Variants in WDFY3 observed in about 807,000 individuals in gnomAD.
WDFY3 encodes the protein WD repeat and FYVE domain-containing protein 3.
Under a neutral mutation model 409.6 loss-of-function variants are expected in WDFY3, and 66 were observed. That is an observed-to-expected ratio of 0.16 (90% CI 0.13 to 0.20). The LOEUF (loss-of-function observed/expected upper bound fraction) is 0.20. WDFY3 is among the 10% of genes least tolerant of loss of function. WDFY3 has a pLI of 1.00. For missense variants in WDFY3, 3,031 were observed against 4,298.1 expected (o/e 0.71, Z 8.24); for synonymous variants, 1,521 against 1,537.1 (o/e 0.99, Z 0.25).
intron 1 of WDFY3, among the ~76,000 whole-genome samples, chr4:84,962,558 T>C (rs1775046949): frequency 6.6e-6 from 1 of 152,196 alleles, no homozygotes; most frequent in South Asian, 2.1e-4. Flanking sequence ...TCCTTTTCTA[T>C]GTCTTGACTG....
chr4:84,895,116 T>C (rs1420607004), intron 3 of WDFY3, among the ~76,000 whole-genome samples: 2 of 152,156 alleles, frequency 1.3e-5, no homozygotes, highest in African/African-American at 4.8e-5. Context: ...CTCACATGGT[T>C]ATAAAGCAAG....
At chr4:84,797,754 T>C (rs1381310098) in intron 18 of WDFY3, among the ~76,000 whole-genome samples, 2 of 151,906 alleles carry the variant, frequency 1.3e-5, no homozygotes, top group African/African-American at 4.8e-5. Flanking sequence ...CTAATTTTTT[T>C]TGTATTTTTT....
intron 36 of WDFY3, among the ~76,000 whole-genome samples, chr4:84,749,665 G>A (rs1261388386): frequency 6.6e-6 from 1 of 152,120 alleles, no homozygotes; most frequent in Non-Finnish European, 1.5e-5. Context: ...GTTAAGTGAG[G>A]ACTTACTGTA....
intron 4 of WDFY3, among the ~76,000 whole-genome samples, chr4:84,850,928 G>GTGTTT (rs1758864479): frequency 6.5e-5 from 3 of 46,220 alleles, no homozygotes; most frequent in African/African-American, 1.9e-4. Context: ...TTATTTATCT[G>GTGTTT]TTTTTTTTTT....
In WDFY3 at chr4:84,753,792, C is replaced by T. The variant is rs187740493; in HGVS notation, c.5644G>A (p.Val1882Met). Residue 1882 changes from valine (V) to methionine (M), a missense_variant, in exon 35 of 68, where the codon GTG becomes ATG. Coordinates refer to ENST00000295888, the MANE Select transcript of WDFY3 (RefSeq NM_014991.6). ...ATCCACATGGAGGCAAGGTCTGGCACGTTGTGATACAAATATCTGAAGAAC... is the reference window on the plus strand; with the variant it reads ...ATCCACATGGAGGCAAGGTCTGGCATGTTGTGATACAAATATCTGAAGAAC... The part of the protein sequence containing the change: ...MQFFRYLYHN[V>M]PDLASMWMSP... The T allele has an allele frequency of 8.1e-6, 13 of 1,611,916 alleles. No individual in the cohort carries two copies. The highest frequency in any genetic ancestry group is 2.2e-5 in the East Asian group (1 of 44,676).
intron 3 of WDFY3, among the ~76,000 whole-genome samples, chr4:84,886,697 A>C (rs763267766): frequency 2.0e-5 from 3 of 152,116 alleles, no homozygotes; most frequent in Non-Finnish European, 4.4e-5. Context: ...TGGTTTTTCA[A>C]TAGGTATTAG....
chr4:84,779,021 A>G (rs1194092710), intron 26 of WDFY3, among the ~76,000 whole-genome samples: 1 of 152,190 alleles, frequency 6.6e-6, no homozygotes, highest in Non-Finnish European at 1.5e-5. Context: ...CATGATGGTA[A>G]CTACTTAAAT....
Position 84,826,969 on chromosome 4 carries a change from T to C in WDFY3, c.969A>G (p.Ala323=). 2.5e-6 allele frequency: 4 copies of C among 1,608,340 alleles called. No individual in the cohort carries two copies. Among genetic ancestry groups the C allele is most frequent in the Non-Finnish European group, 3.4e-6 (4 of 1,178,634 alleles). The part of the protein sequence containing the change: ...LCDLLLRLEQ[A]KEAESKDALK... ...AGGCATCTTTGGATTCTGCCTCTTT[T>C]GCTTGTTCCAATCTAGAAAAGTATG... The change falls in exon 10 of 68, where the codon GCA becomes GCG. Residue 323 remains alanine (A), a synonymous_variant. Transcript: ENST00000295888.
At chr4:84,738,368 C>T (rs532157339) in intron 40 of WDFY3, among the ~76,000 whole-genome samples, 16 of 151,852 alleles carry the variant, frequency 1.1e-4, no homozygotes, top group East Asian at 3.9e-4. Context: ...AGGCCAAGGC[C>T]GGTGGATCAC....
rs1425299730 is a variant in WDFY3, at chr4:84,795,077, T to C, written c.3168-98A>G. 6.2e-6 allele frequency: 5 copies of C among 800,610 alleles called. No homozygotes were observed. The East Asian group carries it at 9.8e-5, about 16-fold the overall frequency. 49.6% of individuals were successfully genotyped at this position (800,610 alleles called of 1,614,324 possible). ...TGAAATAACTGCCAGTATTTAATGGTGACTAGAGAAAAGATCATGGAATAA... is the reference window on the plus strand; with the variant it reads ...TGAAATAACTGCCAGTATTTAATGGCGACTAGAGAAAAGATCATGGAATAA... On this transcript the variant is annotated intron_variant, in intron 19 of 67. Transcript: ENST00000295888.
intron 1 of WDFY3, among the ~76,000 whole-genome samples, chr4:84,950,949 C>T (rs1773531137): frequency 1.3e-5 from 2 of 152,168 alleles, no homozygotes; most frequent in Admixed American, 6.5e-5. Flanking sequence ...GAGGGCCTTA[C>T]CCTAAGGAGA....
In WDFY3 at chr4:84,841,252, G is replaced by T. The variant is rs1757312567; in HGVS notation, c.316C>A (p.Arg106=). Residue 106 remains arginine (R), a synonymous_variant, in exon 6 of 68, where the codon CGG becomes AGG. Transcript: ENST00000295888. ...ASNKSTEAAS[R]AIVQFLEINQ... is the part of the protein sequence containing the mutation. Reference sequence around the variant, plus strand: ...ATCTCTAGGAACTGAACTATGGCCCGACTTGCAGCCTCTATAAAACCAAAG... The same window carrying T: ...ATCTCTAGGAACTGAACTATGGCCCTACTTGCAGCCTCTATAAAACCAAAG... 6.2e-7 allele frequency: 1 copy of T among 1,612,072 alleles called. No homozygotes were observed. The highest frequency in any genetic ancestry group is 8.5e-7 in the Non-Finnish European group (1 of 1,179,672).
chr4:84,910,455 G>C (rs1287599799), intron 2 of WDFY3, among the ~76,000 whole-genome samples: 1 of 152,028 alleles, frequency 6.6e-6, no homozygotes, highest in African/African-American at 2.4e-5. Flanking sequence ...TATGGTACTA[G>C]CATAAGGATG....
intron 45 of WDFY3, among the ~76,000 whole-genome samples, chr4:84,726,498 A>G: frequency 6.6e-6 from 1 of 152,292 alleles, no homozygotes; most frequent in Admixed American, 6.5e-5. Flanking sequence ...ATTTAGAAGA[A>G]TTAAATGAGT....
chr4:84,833,579 G>A (rs1200021477), intron 7 of WDFY3, among the ~76,000 whole-genome samples: 1 of 152,000 alleles, frequency 6.6e-6, no homozygotes, highest in East Asian at 1.9e-4. Context: ...ACCTGAGCCC[G>A]GGAGGTCGAG....
At chr4:84,706,483 G>C (rs957482191) in intron 53 of WDFY3, among the ~76,000 whole-genome samples, 1 of 150,182 alleles carries the variant, frequency 6.7e-6, no homozygotes, top group Non-Finnish European at 1.5e-5. Context: ...TTGACCCTAC[G>C]ATTGAGTAGG....
At chr4:84,943,268 G>T (rs185359409) in intron 1 of WDFY3, among the ~76,000 whole-genome samples, 1 of 152,236 alleles carries the variant, frequency 6.6e-6, no homozygotes, top group African/African-American at 2.4e-5. Flanking sequence ...TTGGGAGGCC[G>T]AGGCGGGCGG....
chr4:84,793,800 G>A (rs1046754465), intron 21 of WDFY3, among the ~76,000 whole-genome samples: 3 of 152,106 alleles, frequency 2.0e-5, no homozygotes, highest in African/African-American at 7.2e-5. Flanking sequence ...CTAATTAAAA[G>A]ACTAACATTC....
chr4:84,685,835 T>C (rs1286658770), intron 62 of WDFY3, among the ~76,000 whole-genome samples: 1 of 152,208 alleles, frequency 6.6e-6, no homozygotes, highest in Admixed American at 6.5e-5. Context: ...GTACACTGGC[T>C]CAAATAACAA....
Sources: allele counts gnomAD v4.1 joint callset (sites outside exome capture counted in the v4.1 genomes callset), GRCh38; gene constraint gnomAD v4.1.1; transcripts MANE v1.5; gene names NCBI Gene and HGNC (gene_info 2026-07-23, HGNC 2026-07-21).